Variants in CCDC178 observed in about 807,000 individuals in gnomAD.
CCDC178 encodes the protein coiled-coil domain containing 178, also known as coiled-coil domain-containing protein 178.
A neutral mutation model predicts 117.4 loss-of-function variants in CCDC178; 126 were observed. That is an observed-to-expected ratio of 1.07 (90% CI 0.93 to 1.24). CCDC178 has a LOEUF of 1.24. Among genes scored for constraint, CCDC178 ranks in the 50% most tolerant of loss-of-function variants. The pLI, the probability that CCDC178 is intolerant of heterozygous loss-of-function variation, is 0.00. For missense variants in CCDC178, 1,030 were observed against 986.9 expected (o/e 1.04, Z -0.59); for synonymous variants, 283 against 313.4 (o/e 0.90, Z 1.02).
chr18:33,367,159 T>C (rs374946159), intron 6 of CCDC178, among the ~76,000 whole-genome samples: 1 of 152,044 alleles, frequency 6.6e-6, no homozygotes, highest in Non-Finnish European at 1.5e-5. Context: ...GGGGAATGTG[T>C]GATGTTTTGA....
chr18:33,122,814 G>A (rs1200129341), intron 20 of CCDC178, among the ~76,000 whole-genome samples: 1 of 152,084 alleles, frequency 6.6e-6, no homozygotes, highest in Non-Finnish European at 1.5e-5. Flanking sequence ...TTTTAATATT[G>A]CTTTTACGTG....
intron 20 of CCDC178, among the ~76,000 whole-genome samples, chr18:33,177,248 C>G (rs1187630249): frequency 6.6e-6 from 1 of 152,070 alleles, no homozygotes; most frequent in African/African-American, 2.4e-5. Flanking sequence ...GGACAAATAC[C>G]TAGGGCATGC....
intron 1 of CCDC178, among the ~76,000 whole-genome samples, chr18:33,440,319 G>A (rs2064364333): frequency 6.8e-6 from 1 of 146,594 alleles, no homozygotes; most frequent in Non-Finnish European, 1.5e-5. Context: ...GGGGGACTGG[G>A]GGACTGGGGG....
intron 4 of CCDC178, 35 bp from the exon 5 acceptor site, chr18:33,389,664 A>G (rs777084393): frequency 9.0e-7 from 1 of 1,107,662 alleles, no homozygotes; most frequent in South Asian, 2.0e-5. Context: ...TTTAGTGAGT[A>G]GTTAATATTA....
chr18:33,028,980 ATTTTCTTGTAATTT>A (rs2056282710), intron 21 of CCDC178, among the ~76,000 whole-genome samples: 1 of 151,600 alleles, frequency 6.6e-6, no homozygotes, highest in African/African-American at 2.4e-5. Flanking sequence ...CTGTAGTTTT[ATTTTCTTGTAATTT>A]TTTTCTTGTT....
At chr18:33,006,740 A>G (rs1028024344) in intron 21 of CCDC178, among the ~76,000 whole-genome samples, 1 of 152,012 alleles carries the variant, frequency 6.6e-6, no homozygotes, top group South Asian at 2.1e-4. Context: ...ATAAGAAGGG[A>G]GTCTCCTTTT....
At chr18:33,106,593 A>AC (rs1355070455) in intron 20 of CCDC178, among the ~76,000 whole-genome samples, 1 of 151,672 alleles carries the variant, frequency 6.6e-6, no homozygotes, top group Non-Finnish European at 1.5e-5. Context: ...GATCAAGCTA[A>AC]CCCTTCAGAA....
intron 12 of CCDC178, among the ~76,000 whole-genome samples, chr18:33,282,468 C>T (rs2060036846): frequency 6.6e-6 from 1 of 152,174 alleles, no homozygotes; most frequent in African/African-American, 2.4e-5. Context: ...CTGACCTATG[C>T]ACTCCTTGGT....
chr18:33,259,342 T>C (rs9948208), intron 14 of CCDC178, among the ~76,000 whole-genome samples: 55 of 152,312 alleles, frequency 3.6e-4, no homozygotes, highest in African/African-American at 1.3e-3. Flanking sequence ...CTGTACTTAT[T>C]AGGCTACTGT....
chr18:33,153,639 G>T (rs181315814), intron 20 of CCDC178, among the ~76,000 whole-genome samples: 136 of 152,090 alleles, frequency 8.9e-4, no homozygotes, highest in Admixed American at 2.8e-3. Flanking sequence ...GCATTACAAA[G>T]AATTTTGTCA....
At chr18:32,995,417 A>T (rs1229178191) in intron 21 of CCDC178, among the ~76,000 whole-genome samples, 3 of 152,114 alleles carry the variant, frequency 2.0e-5, no homozygotes, top group African/African-American at 7.2e-5. Context: ...TGGTAAAAAG[A>T]TACTCAAGGA....
At chr18:33,026,775 A>G (rs1302700498) in intron 21 of CCDC178, among the ~76,000 whole-genome samples, 2 of 151,936 alleles carry the variant, frequency 1.3e-5, no homozygotes, top group Non-Finnish European at 2.9e-5. Context: ...CATAAAACAT[A>G]AGACAAATGA....
At chr18:32,999,407 G>A (rs1598771643) in intron 21 of CCDC178, among the ~76,000 whole-genome samples, 1 of 152,162 alleles carries the variant, frequency 6.6e-6, no homozygotes, top group African/African-American at 2.4e-5. Context: ...AGGGCCAGGG[G>A]AACTCACTGC....
intron 5 of CCDC178, among the ~76,000 whole-genome samples, chr18:33,374,076 T>C (rs1474345475): frequency 6.6e-6 from 1 of 152,062 alleles, no homozygotes; most frequent in East Asian, 1.9e-4. Flanking sequence ...CCAACTGCAA[T>C]AAAGAGATCT....
intron 5 of CCDC178, among the ~76,000 whole-genome samples, chr18:33,386,728 G>A (rs1156286586): frequency 6.6e-6 from 1 of 151,988 alleles, no homozygotes. Flanking sequence ...AAAATAATAA[G>A]AGCCATTTAT....
At chr18:33,076,222 C>T (rs2057204945) in intron 21 of CCDC178, among the ~76,000 whole-genome samples, 1 of 152,194 alleles carries the variant, frequency 6.6e-6, no homozygotes, top group Non-Finnish European at 1.5e-5. Context: ...TGGTGGTGCT[C>T]AGTCCCGACA....
chr18:33,117,681 C>T (rs1040175934), intron 20 of CCDC178, among the ~76,000 whole-genome samples: 4 of 151,722 alleles, frequency 2.6e-5, no homozygotes, highest in Admixed American at 2.6e-4. Flanking sequence ...TGTAACAAAC[C>T]TGCACGTTGT....
At chr18:33,251,158 C>T (rs1324719272) in intron 14 of CCDC178, among the ~76,000 whole-genome samples, 1 of 151,400 alleles carries the variant, frequency 6.6e-6, no homozygotes, top group Non-Finnish European at 1.5e-5. Flanking sequence ...AGATGAGTTA[C>T]AGGACTAAGG....
chr18:33,050,241 C>T (rs1448432846), intron 21 of CCDC178, among the ~76,000 whole-genome samples: 1 of 152,046 alleles, frequency 6.6e-6, no homozygotes, highest in East Asian at 1.9e-4. Flanking sequence ...TAGATGGGTT[C>T]ATTTTCTTAT....
Sources: allele counts gnomAD v4.1 joint callset (sites outside exome capture counted in the v4.1 genomes callset), GRCh38; gene constraint gnomAD v4.1.1; transcripts MANE v1.5; gene names NCBI Gene and HGNC (gene_info 2026-07-23, HGNC 2026-07-21).